The following RTN1 variants were observed in gnomAD, a reference collection of about 807,000 sequenced individuals.
The protein encoded by RTN1 is reticulon 1.
Under a neutral mutation model 65.5 loss-of-function variants are expected in RTN1, and 25 were observed. That is an observed-to-expected ratio of 0.38 (90% CI 0.28 to 0.53). The LOEUF (loss-of-function observed/expected upper bound fraction) is 0.53. Ranked by LOEUF, RTN1 falls within the 20% of genes least tolerant of loss-of-function variation. RTN1 has a pLI of 0.79. For synonymous variants in RTN1, 471 were observed against 447.6 expected (o/e 1.05, Z -0.66); for missense variants, 983 against 1,025.4 (o/e 0.96, Z 0.57).
chr14:59,750,774 G>C (rs1357144652), intron 1 of RTN1, among the ~76,000 whole-genome samples: 1 of 125,326 alleles, frequency 8.0e-6, no homozygotes, highest in Non-Finnish European at 1.6e-5. Flanking sequence ...GTGCAGTGTG[G>C]CATGATCTTG....
intron 3 of RTN1, among the ~76,000 whole-genome samples, chr14:59,712,453 C>T (rs762359693): frequency 4.7e-4 from 71 of 152,226 alleles, no homozygotes; most frequent in Admixed American, 1.0e-3. Flanking sequence ...GGAAACCTCC[C>T]GAGAGGCAAC....
rs897085230 is a variant in RTN1, at chr14:59,846,193, C to T, written c.241+24197G>A. 7.9e-5 allele frequency among the ~76,000 whole-genome samples: 12 copies of T among 152,172 alleles called. No homozygotes were observed. Among genetic ancestry groups the T allele is most frequent in the African/African-American group, 2.7e-4 (11 of 41,428 alleles). The stretch of plus-strand genomic sequence containing the variant: ...TGCAAGAAGAGAACCAGTACCACAG[C>T]TGTGACTTCTTCCTTACCCCACTGG... On this transcript the variant is annotated intron_variant, in intron 1 of 8. Coordinates refer to ENST00000267484, the MANE Select transcript of RTN1 (RefSeq NM_021136.3). This position sits in a 1 kb window ranked among gnomAD's most constrained non-coding sequence, Gnocchi z 4.8.
chr14:59,777,572 T>C lies in RTN1; in HGVS notation c.242-31091A>G, dbSNP rs754895002. On this transcript the variant is annotated intron_variant, in intron 1 of 8. Coordinates refer to ENST00000267484, the MANE Select transcript of RTN1 (RefSeq NM_021136.3). ...GGAGTAACATGGAAGTTTATGATGG[T>C]TTCTTTGGTTCAGCTAAAGGAAGTT... Among the ~76,000 whole-genome samples, 6 of 152,024 alleles carry C rather than the reference T, an allele frequency of 3.9e-5. No homozygotes were observed. In the East Asian group the frequency reaches 1.2e-3, roughly 29 times the overall value.
At chr14:59,791,389 G>A (rs1460177984) in intron 1 of RTN1, among the ~76,000 whole-genome samples, 1 of 152,080 alleles carries the variant, frequency 6.6e-6, no homozygotes, top group African/African-American at 2.4e-5. Flanking sequence ...AGTTCAGCTG[G>A]GACTTTAAGC....
intron 3 of RTN1, among the ~76,000 whole-genome samples, chr14:59,700,610 A>G (rs960472151): frequency 2.6e-5 from 4 of 152,160 alleles, no homozygotes; most frequent in Non-Finnish European, 5.9e-5. Context: ...TGACAAGACA[A>G]TATATTGGGA....
In RTN1 at chr14:59,750,399, ATATATATTATATG is replaced by A. The variant is rs1373433063; in HGVS notation, c.242-3931_242-3919del. 7.0e-4 allele frequency among the ~76,000 whole-genome samples: 36 copies of A among 51,602 alleles called. 1 individual carries two copies. In the South Asian group the frequency reaches 0.021, roughly 29 times the overall value. 33.9% of individuals were successfully genotyped at this position (51,602 alleles called of 152,430 possible). On this transcript the variant is annotated intron_variant, in intron 1 of 8. Transcript: ENST00000267484. ...ATATATTATATATTATATCTATAAT[ATATATATTATATG>A]TATAATATATAATATATCTATAATA...
chr14:59,610,026 A>T (rs1175727430), intron 3 of RTN1: 2 of 715,146 alleles, frequency 2.8e-6, no homozygotes, highest in Non-Finnish European at 5.2e-6. Flanking sequence ...GTGAGACGTG[A>T]AGGGGCTCAG....
intron 3 of RTN1, among the ~76,000 whole-genome samples, chr14:59,702,245 C>A (rs1429347525): frequency 6.6e-6 from 1 of 152,176 alleles, no homozygotes; most frequent in Non-Finnish European, 1.5e-5. Context: ...AAAGTCTGTG[C>A]AAGCAGGACT....
chr14:59,808,515 C>T (rs1886674627), intron 1 of RTN1, among the ~76,000 whole-genome samples: 1 of 152,128 alleles, frequency 6.6e-6, no homozygotes, highest in South Asian at 2.1e-4. Flanking sequence ...GTGAAAGTTG[C>T]AGATACCAAG....
chr14:59,689,113 A>C (rs1269190986), intron 3 of RTN1, among the ~76,000 whole-genome samples: 1 of 152,112 alleles, frequency 6.6e-6, no homozygotes, highest in Non-Finnish European at 1.5e-5. Flanking sequence ...AAATATCTTA[A>C]AAAAAACCAG....
chr14:59,657,128 G>T (rs1266500360), intron 3 of RTN1, among the ~76,000 whole-genome samples: 1 of 152,178 alleles, frequency 6.6e-6, no homozygotes, highest in Non-Finnish European at 1.5e-5. Flanking sequence ...CACAAAACAG[G>T]CCAGGCACGG....
chr14:59,729,393 T>G (rs1261473923), intron 2 of RTN1, among the ~76,000 whole-genome samples: 1 of 152,180 alleles, frequency 6.6e-6, no homozygotes, highest in Non-Finnish European at 1.5e-5. Context: ...CCCCCTTTTT[T>G]AGTAACTTAA....
intron 1 of RTN1, among the ~76,000 whole-genome samples, chr14:59,854,728 T>C (rs1202258094): frequency 6.6e-6 from 1 of 150,896 alleles, no homozygotes. Flanking sequence ...GCATGAACCC[T>C]AGATCCAGAC....
At chr14:59,608,156 A>T (rs1390232643) in intron 3 of RTN1, among the ~76,000 whole-genome samples, 4 of 151,318 alleles carry the variant, frequency 2.6e-5, no homozygotes, top group Non-Finnish European at 1.5e-5. Context: ...CCCGGGATAT[A>T]AAAAAAAATA....
At chr14:59,752,363 G>A (rs571392956) in intron 1 of RTN1, among the ~76,000 whole-genome samples, 10 of 152,202 alleles carry the variant, frequency 6.6e-5, no homozygotes, top group African/African-American at 2.4e-4. Context: ...GATTCTCTCT[G>A]GGGCCACTTT....
At chr14:59,652,940 G>A (rs962340094) in intron 3 of RTN1, among the ~76,000 whole-genome samples, 1 of 151,810 alleles carries the variant, frequency 6.6e-6, no homozygotes, top group African/African-American at 2.4e-5. Context: ...CAATATCAAG[G>A]GTATTAATGT....
intron 1 of RTN1, among the ~76,000 whole-genome samples, chr14:59,749,836 T>A (rs1305536002): frequency 8.8e-6 from 1 of 113,660 alleles, no homozygotes; most frequent in Non-Finnish European, 1.7e-5. Flanking sequence ...TATATCTATA[T>A]GTATATTTAT....
chr14:59,735,218 G>C (rs2139491004), intron 2 of RTN1, among the ~76,000 whole-genome samples: 1 of 152,262 alleles, frequency 6.6e-6, no homozygotes, highest in East Asian at 1.9e-4. Context: ...GGCCTGCCTT[G>C]CCAGAGTTCC....
At position 59,816,579 on chromosome 14, in the gene RTN1, C is replaced by T. The variant is rs1886825276; in HGVS notation, c.241+53811G>A. 6.6e-6 allele frequency among the ~76,000 whole-genome samples: 1 copy of T among 152,162 alleles called. No homozygotes were observed. The highest frequency in any genetic ancestry group is 1.5e-5 in the Non-Finnish European group (1 of 68,032). ...AACCAGGAAATCAGGCTGTGATCAA[C>T]ATCCAAGATAAAATTAAGATGGGGT... On this transcript the variant is annotated intron_variant, in intron 1 of 8. Transcript: ENST00000267484. This position sits in a 1 kb window ranked among gnomAD's most constrained non-coding sequence, Gnocchi z 4.3.
Sources: gnomAD v4.1 joint callset for allele counts (sites outside exome capture counted in the v4.1 genomes callset) on GRCh38, gnomAD v4.1.1 for gene constraint, Gnocchi (gnomAD v3.1) non-coding constraint, MANE v1.5 for transcripts, NCBI Gene and HGNC (gene_info 2026-07-23, HGNC 2026-07-21) for gene names.